The following NAA15 variants were observed in gnomAD, a reference collection of about 807,000 sequenced individuals.
The protein encoded by NAA15 is N-alpha-acetyltransferase 15, NatA auxiliary subunit, also known as N-terminal acetyltransferase.
A neutral mutation model predicts 114.0 loss-of-function variants in NAA15; 34 were observed. The ratio of observed to expected loss-of-function variants is 0.30; its 90% CI spans 0.23 to 0.40. The LOEUF is 0.40. NAA15 is among the 10% of genes least tolerant of loss of function. The probability of loss-of-function intolerance (pLI) is 1.00; values close to 1 mark genes in which losing one functional copy is unlikely to be tolerated. For synonymous variants in NAA15, 340 were observed against 338.0 expected, an observed-to-expected ratio of 1.01 and a Z score of -0.06; for missense variants, 658 against 1,004.5, an observed-to-expected ratio of 0.66 and a Z score of 4.66.
intron 1 of NAA15, among the ~76,000 whole-genome samples, chr4:139,325,730 C>T (rs1441399563): frequency 6.6e-6 from 1 of 152,166 alleles, no homozygotes; most frequent in South Asian, 2.1e-4. Context: ...CTCACTGCAG[C>T]CTTGGACTCC....
intron 14 of NAA15, among the ~76,000 whole-genome samples, chr4:139,365,692 A>G (rs1748260446): frequency 6.6e-6 from 1 of 151,894 alleles, no homozygotes; most frequent in Non-Finnish European, 1.5e-5. Flanking sequence ...AAAAACCCCA[A>G]CCAACCAAAC....
intron 6 of NAA15, among the ~76,000 whole-genome samples, chr4:139,347,299 A>T (rs1560968023): frequency 6.6e-6 from 1 of 152,096 alleles, no homozygotes; most frequent in African/African-American, 2.4e-5. Flanking sequence ...AAATGTTGGT[A>T]AAACTGCCCC....
chr4:139,385,765 A>G lies in NAA15; in HGVS notation c.2303-368A>G, dbSNP rs200496741. Among the ~76,000 whole-genome samples, 4 of 152,202 alleles carry G rather than the reference A, an allele frequency of 2.6e-5. No individual in the cohort carries two copies. The East Asian group carries it at 5.8e-4, about 22-fold the overall frequency. On this transcript the variant is annotated intron_variant, in intron 18 of 19. Transcript: ENST00000296543. ...ACTGTTGAGATAGGATAGTCCCCCA[A>G]CCTCCACATTATTCTGCTTATTTCA...
intron 5 of NAA15, among the ~76,000 whole-genome samples, 164 bp from the exon 6 acceptor site, chr4:139,344,022 A>G (rs1240803309): frequency 6.6e-6 from 1 of 152,186 alleles, no homozygotes; most frequent in Non-Finnish European, 1.5e-5. Context: ...TAATATTGTC[A>G]TTATTTACTC....
chr4:139,374,151 A>G (rs552965160), intron 15 of NAA15, among the ~76,000 whole-genome samples: 11 of 152,290 alleles, frequency 7.2e-5, no homozygotes, highest in Non-Finnish European at 1.3e-4. Context: ...ATACTCCTTT[A>G]CAACATATCT....
intron 1 of NAA15, among the ~76,000 whole-genome samples, chr4:139,313,402 G>C (rs1746282689): frequency 6.6e-6 from 1 of 151,864 alleles, no homozygotes; most frequent in Non-Finnish European, 1.5e-5. Context: ...AAGCAAAGCA[G>C]TATTTATTTA....
At chr4:139,333,281 A>G (rs1747085608) in intron 1 of NAA15, among the ~76,000 whole-genome samples, 1 of 152,154 alleles carries the variant, frequency 6.6e-6, no homozygotes, top group African/African-American at 2.4e-5. Context: ...TTGAAACTTA[A>G]TTTTCACTCT....
chr4:139,351,866 A>G (rs1015895590), intron 9 of NAA15, among the ~76,000 whole-genome samples: 46 of 151,850 alleles, frequency 3.0e-4, no homozygotes, highest in Admixed American at 1.9e-3. Flanking sequence ...GTAGGTTATA[A>G]AAAGTTGATA....
intron 13 of NAA15, among the ~76,000 whole-genome samples, chr4:139,360,997 GAT>G (rs1748116553): frequency 6.6e-6 from 1 of 152,138 alleles, no homozygotes; most frequent in Admixed American, 6.5e-5. Context: ...CCCTTGGTAA[GAT>G]ATAAATGTTG....
At chr4:139,304,243 C>G (rs981846542) in intron 1 of NAA15, among the ~76,000 whole-genome samples, 37 of 152,340 alleles carry the variant, frequency 2.4e-4, no homozygotes, top group African/African-American at 7.9e-4. Flanking sequence ...TTAAATAAAT[C>G]AAACTTTTAA....
At chr4:139,319,386 G>A (rs531842420) in intron 1 of NAA15, among the ~76,000 whole-genome samples, 6 of 151,842 alleles carry the variant, frequency 4.0e-5, no homozygotes, top group Admixed American at 6.5e-5. Flanking sequence ...GATTACAGGC[G>A]TGAGCCACCG....
intron 2 of NAA15, among the ~76,000 whole-genome samples, chr4:139,335,192 A>G (rs1421804551): frequency 6.6e-6 from 1 of 152,174 alleles, no homozygotes; most frequent in Non-Finnish European, 1.5e-5. Flanking sequence ...ACAAGTAAAT[A>G]GAAATAAATT....
chr4:139,361,630 AT>A, intron 13 of NAA15, 93 bp from the exon 14 acceptor site: 1 of 740,126 alleles, frequency 1.4e-6, no homozygotes, highest in Non-Finnish European at 2.1e-6. Flanking sequence ...AGTTTTTTTC[AT>A]GCCAAAGTAA....
chr4:139,337,001 A>C, intron 3 of NAA15, 49 bp downstream of exon 3: 1 of 1,247,662 alleles, frequency 8.0e-7, no homozygotes, highest in Non-Finnish European at 1.1e-6. Flanking sequence ...GTTTTGAGCT[A>C]AGGCAGCAAT....
intron 1 of NAA15, among the ~76,000 whole-genome samples, chr4:139,304,142 T>A (rs1394755286): frequency 6.6e-6 from 1 of 152,158 alleles, no homozygotes; most frequent in Admixed American, 6.5e-5. Context: ...ATGGTCTCAA[T>A]CTCCTGACCT....
intron 1 of NAA15, among the ~76,000 whole-genome samples, chr4:139,307,654 A>G (rs13147688): frequency 0.14 from 20,898 of 152,276 alleles, 1,763 homozygotes; most frequent in Non-Finnish European, 0.19. Context: ...AAATTCAAAT[A>G]GTCACATGTG....
At chr4:139,374,191 T>A (rs1291631850) in intron 15 of NAA15, among the ~76,000 whole-genome samples, 6 of 152,224 alleles carry the variant, frequency 3.9e-5, no homozygotes. Context: ...CAAGTCAGTT[T>A]ATAAATTTAA....
intron 1 of NAA15, among the ~76,000 whole-genome samples, chr4:139,330,757 C>G (rs1169679097): frequency 6.6e-6 from 1 of 152,068 alleles, no homozygotes. Context: ...ATTGCTGGAG[C>G]CTGTGATTGA....
chr4:139,358,383 A>C (rs1748031295), intron 11 of NAA15, among the ~76,000 whole-genome samples: 1 of 151,874 alleles, frequency 6.6e-6, no homozygotes, highest in Non-Finnish European at 1.5e-5. Context: ...ATTTGTAGAG[A>C]TGGAGTTTCG....
Sources: gnomAD v4.1 joint callset for allele counts (sites outside exome capture counted in the v4.1 genomes callset) on GRCh38, gnomAD v4.1.1 for gene constraint, MANE v1.5 for transcripts, NCBI Gene and HGNC (gene_info 2026-07-23, HGNC 2026-07-21) for gene names.